The following SLC7A5 variants were observed in gnomAD, a reference collection of about 807,000 sequenced individuals.
SLC7A5 encodes the protein solute carrier family 7 member 5, also known as large neutral amino acids transporter small subunit 1.
A neutral mutation model predicts 50.2 loss-of-function variants in SLC7A5; 23 were observed. The observed-to-expected ratio is 0.46, with a 90% CI of 0.33 to 0.65. SLC7A5 has a LOEUF of 0.65. SLC7A5 is among the 30% of genes least tolerant of loss of function. The pLI, the probability that SLC7A5 is intolerant of heterozygous loss-of-function variation, is 0.02. For missense variants in SLC7A5, 578 were observed against 684.4 expected (o/e 0.84, Z 1.73); for synonymous variants, 393 against 330.6 (o/e 1.19, Z -2.05).
intron 2 of SLC7A5, among the ~76,000 whole-genome samples, chr16:87,847,396 AGG>A (rs1252450349): frequency 6.6e-6 from 1 of 151,644 alleles, no homozygotes; most frequent in Non-Finnish European, 1.5e-5. Context: ...CAGCCAGATG[AGG>A]GCCAGATGAG....
Position 87,836,368 on chromosome 16 carries a change from C to T in SLC7A5, c.1290+130G>A, listed in dbSNP as rs528603585. On this transcript the variant is annotated intron_variant, in intron 8 of 9. Transcript: ENST00000261622. ...CAAGTCATCACCGGAATTAGTCGAC[C>T]CAGGTGCATGCAGGCAGGGGCAGGT... 158 of 1,038,972 alleles carry T rather than the reference C, an allele frequency of 1.5e-4. No homozygotes were observed. The East Asian group carries it at 4.0e-3, about 26-fold the overall frequency. The allele number at this position is 1,038,972 out of a possible 1,614,324, so 64.4% of individuals were successfully genotyped here. A position where few individuals can be genotyped will look rare whatever the true frequency, so the allele number is the denominator to read the frequency against.
chr16:87,844,986 G>A (rs997654794), intron 2 of SLC7A5, among the ~76,000 whole-genome samples: 8 of 152,232 alleles, frequency 5.3e-5, no homozygotes, highest in Admixed American at 1.3e-4. Context: ...TGTCCTCAGC[G>A]ACACAGAGAC....
At chr16:87,846,270 C>T (rs920651493) in intron 2 of SLC7A5, among the ~76,000 whole-genome samples, 17 of 152,196 alleles carry the variant, frequency 1.1e-4, no homozygotes, top group African/African-American at 3.9e-4. Context: ...GCCCTGGAGT[C>T]CCCCACAGGC....
In SLC7A5 at chr16:87,838,695, T is replaced by C. The variant is rs1179773635; in HGVS notation, c.1043+19A>G. The C allele has an allele frequency of 6.3e-7, 1 of 1,591,908 alleles. No homozygotes were observed. The highest frequency in any genetic ancestry group is 8.6e-7 in the Non-Finnish European group (1 of 1,160,108). ...AGGCCTGGGCCTCCCTCACCTGTGG[T>C]GGGTCGGGCTGTGCTCACCTGGAGG... On this transcript the variant is annotated intron_variant, in intron 6 of 9. Transcript: ENST00000261622.
chr16:87,838,812 G>T lies in SLC7A5; in HGVS notation c.945C>A (p.Phe315Leu). 6.2e-7 allele frequency: 1 copy of T among 1,613,536 alleles called. No homozygotes were observed. ...ACATGACGCCCAGGTGATAGTTCCC[G>T]AAGTCCTAGGCAGGCACAACCAGTG... is the stretch of plus-strand genomic sequence containing the variant. The part of the protein sequence containing the change: ...MLSSEAVAVD[F>L]GNYHLGVMSW... The change falls in exon 6 of 10, where the codon TTC (phenylalanine) becomes TTA (leucine). Residue 315 changes from phenylalanine to leucine, a missense_variant. Phe to Leu is a conservative substitution (Grantham distance 22, BLOSUM62 0). Transcript: ENST00000261622.
chr16:87,849,089 C>A (rs4843719), intron 2 of SLC7A5, among the ~76,000 whole-genome samples: 63,696 of 152,104 alleles, frequency 0.42, 14,993 homozygotes, highest in African/African-American at 0.62. Flanking sequence ...CAGATTTTCG[C>A]TGCATTCTCC....
chr16:87,856,660 A>T (rs2055325316), intron 1 of SLC7A5, among the ~76,000 whole-genome samples: 1 of 152,218 alleles, frequency 6.6e-6, no homozygotes, highest in African/African-American at 2.4e-5. Flanking sequence ...TCCACTCGGT[A>T]CGCACAGGGC....
chr16:87,848,813 T>G (rs1030041681), intron 2 of SLC7A5, among the ~76,000 whole-genome samples: 2 of 152,226 alleles, frequency 1.3e-5, no homozygotes, highest in East Asian at 3.9e-4. Context: ...GGCCATGTTC[T>G]CATTGGGACC....
At position 87,865,733 on chromosome 16, in the gene SLC7A5, A is replaced by T. The variant is rs756942780; in HGVS notation, c.538+3152T>A. ...GATAAAATAAAATAAAAATAAATTT[A>T]AAAAATACTTTTTAAAGCCCTATTA... On this transcript the variant is annotated intron_variant, in intron 1 of 9. Transcript: ENST00000261622. 6.6e-5 allele frequency among the ~76,000 whole-genome samples: 10 copies of T among 152,196 alleles called. No individual in the cohort carries two copies. In the South Asian group the frequency reaches 1.0e-3, roughly 16 times the overall value.
chr16:87,860,397 C>T lies in SLC7A5; in HGVS notation c.538+8488G>A, dbSNP rs7188274. ...ACACACACACACACACACACACACA[C>T]ACATATATATATAAAGAAAAAGGAA... On this transcript the variant is annotated intron_variant, in intron 1 of 9. Coordinates refer to ENST00000261622, the MANE Select transcript of SLC7A5 (RefSeq NM_003486.7). This position sits in a 1 kb window ranked among gnomAD's most constrained non-coding sequence, Gnocchi z 4.8. 0.037 allele frequency among the ~76,000 whole-genome samples: 2,560 copies of T among 68,842 alleles called. 188 individuals are homozygous for T. Among genetic ancestry groups the T allele is most frequent in the African/African-American group, 0.12 (2,160 of 17,358 alleles). 45.2% of individuals were successfully genotyped at this position (68,842 alleles called of 152,430 possible). A position where few individuals can be genotyped will look rare whatever the true frequency, so the allele number is the denominator to read the frequency against.
At position 87,861,577 on chromosome 16, in the gene SLC7A5, G is replaced by A. The variant is rs1423047143; in HGVS notation, c.538+7308C>T. Among the ~76,000 whole-genome samples, 4 of 152,110 alleles carry A rather than the reference G, an allele frequency of 2.6e-5. No individual in the cohort carries two copies. Among genetic ancestry groups the A allele is most frequent in the Non-Finnish European group, 5.9e-5 (4 of 68,000 alleles). On this transcript the variant is annotated intron_variant, in intron 1 of 9. Coordinates refer to ENST00000261622, the MANE Select transcript of SLC7A5 (RefSeq NM_003486.7). The surrounding 1 kb of genome is among the most constrained non-coding windows in gnomAD (Gnocchi z 4.2). ...AGTGCAAAGTGGTGGCCAAGAGGTG[G>A]CCAAGAGGTGCCAAGAGGTGGTCCA...
In SLC7A5 at chr16:87,831,873, C is replaced by T. The variant is rs2054939132; in HGVS notation, c.*1097G>A. ...GGCCTCCAAACGCAGGCGGCAGAGACGTGAGCAGTGCTTGGCTCTGTCTCC... is the reference window on the plus strand; with the variant it reads ...GGCCTCCAAACGCAGGCGGCAGAGATGTGAGCAGTGCTTGGCTCTGTCTCC... On this transcript the variant is annotated 3_prime_UTR_variant, in exon 10 of 10. Coordinates refer to ENST00000261622, the MANE Select transcript of SLC7A5 (RefSeq NM_003486.7). 4 of 152,430 alleles carry T rather than the reference C, an allele frequency of 2.6e-5. No homozygotes were observed. Among genetic ancestry groups the T allele is most frequent in the Non-Finnish European group, 1.5e-5 (1 of 68,208 alleles). 9.4% of individuals were successfully genotyped at this position (152,430 alleles called of 1,614,324 possible).
At position 87,841,162 on chromosome 16, in the gene SLC7A5, G is replaced by A. The variant is rs1458918599; in HGVS notation, c.665-7C>T. 3 of 1,591,994 alleles carry A rather than the reference G, an allele frequency of 1.9e-6. No individual in the cohort carries two copies. Among genetic ancestry groups the A allele is most frequent in the Non-Finnish European group, 2.6e-6 (3 of 1,160,092 alleles). On this transcript the variant is annotated splice_region_variant and splice_polypyrimidine_tract_variant and intron_variant, in intron 2 of 9. Transcript: ENST00000261622. This position sits in a 1 kb window ranked among gnomAD's most constrained non-coding sequence, Gnocchi z 4.8. The stretch of plus-strand genomic sequence containing the variant: ...TCTAGATTGGACACATCACCTGGCA[G>A]GGCCAAAGAAAGGAATGCTGGGTTA...
intron 2 of SLC7A5, 23 bp downstream of exon 2, chr16:87,851,689 AGGGGCCGCCGGT>A (rs754487816): frequency 6.2e-6 from 10 of 1,603,164 alleles, no homozygotes; most frequent in African/African-American, 1.3e-5. Context: ...CAAAGCCTCG[AGGGGCCGCCGGT>A]GGGGCCTGGG....
At chr16:87,864,598 T>C (rs4843722) in intron 1 of SLC7A5, among the ~76,000 whole-genome samples, 1,553 of 152,322 alleles carry the variant, frequency 0.01, 77 homozygotes, top group Admixed American at 0.085. Flanking sequence ...CAGCACTCCT[T>C]GCAGACCCCT....
intron 2 of SLC7A5, among the ~76,000 whole-genome samples, chr16:87,849,574 C>G (rs376719982): frequency 6.6e-6 from 1 of 152,190 alleles, no homozygotes; most frequent in Non-Finnish European, 1.5e-5. Context: ...AAGGCCTTCA[C>G]GAGCAAAGCA....
chr16:87,844,035 TA>T (rs1567492198), intron 2 of SLC7A5, among the ~76,000 whole-genome samples: 2 of 152,138 alleles, frequency 1.3e-5, no homozygotes, highest in African/African-American at 4.8e-5. Flanking sequence ...GACAGTCTGC[TA>T]TCCAGTCAGC....
rs765975516 is a variant in SLC7A5 at position 87,833,033 on chromosome 16, G to A, written c.1469-8C>T. 1.9e-6 allele frequency: 3 copies of A among 1,613,442 alleles called. No homozygotes were observed. Among genetic ancestry groups the A allele is most frequent in the South Asian group, 1.1e-5 (1 of 91,078 alleles). Reference sequence around the variant, plus strand: ...ACAGGACGGTCGTGGAGACTGTCAGGAGAGAAGACAGCTGTGTTAGCCTGG... The same window carrying A: ...ACAGGACGGTCGTGGAGACTGTCAGAAGAGAAGACAGCTGTGTTAGCCTGG... On this transcript the variant is annotated splice_region_variant and splice_polypyrimidine_tract_variant and intron_variant, in intron 9 of 9. Transcript: ENST00000261622. The surrounding 1 kb of genome is among the most constrained non-coding windows in gnomAD (Gnocchi z 6.0).
chr16:87,848,859 C>T (rs1597504315), intron 2 of SLC7A5, among the ~76,000 whole-genome samples: 1 of 152,200 alleles, frequency 6.6e-6, no homozygotes, highest in East Asian at 1.9e-4. Context: ...GAAGATGGTT[C>T]TGCGGATGGC....
Sources: allele counts gnomAD v4.1 joint callset (sites outside exome capture counted in the v4.1 genomes callset), GRCh38; gene constraint gnomAD v4.1.1; non-coding constraint Gnocchi (gnomAD v3.1); transcripts MANE v1.5; gene names NCBI Gene and HGNC (gene_info 2026-07-23, HGNC 2026-07-21).